ADAMTS12: variants seen among roughly 807,000 people sequenced by gnomAD.
ADAMTS12 encodes ADAM metallopeptidase with thrombospondin type 1 motif 12, also known as A disintegrin and metalloproteinase with thrombospondin motifs 12.
Under a neutral mutation model 167.8 loss-of-function variants are expected in ADAMTS12, and 118 were observed. That is an observed-to-expected ratio of 0.70 (90% confidence interval 0.61 to 0.82). The LOEUF (loss-of-function observed/expected upper bound fraction) is 0.82, where lower values mean the gene tolerates loss of function less well. Among genes scored for constraint, ADAMTS12 ranks in the 40% least tolerant of loss-of-function variants. ADAMTS12 has a pLI of 0.00. For missense variants in ADAMTS12, 1,916 were observed against 1,998.8 expected (o/e 0.96, Z 0.79); for synonymous variants, 704 against 716.9 (o/e 0.98, Z 0.29).
At chr5:33,678,254 C>A (rs963548403) in intron 5 of ADAMTS12, among the ~76,000 whole-genome samples, 1 of 152,216 alleles carries the variant, frequency 6.6e-6, no homozygotes, top group African/African-American at 2.4e-5. Flanking sequence ...AACTTGGCTG[C>A]CATTGGCCCT....
intron 10 of ADAMTS12, among the ~76,000 whole-genome samples, chr5:33,643,010 A>G (rs200657260): frequency 6.6e-6 from 1 of 151,958 alleles, no homozygotes; most frequent in Non-Finnish European, 1.5e-5. Flanking sequence ...ATTTTTGGGA[A>G]AAGAAGCCGC....
chr5:33,668,886 A>G (rs574238573), intron 5 of ADAMTS12, among the ~76,000 whole-genome samples: 3 of 152,292 alleles, frequency 2.0e-5, no homozygotes, highest in South Asian at 4.1e-4. Flanking sequence ...TGATGACACA[A>G]TCAAGTTCAG....
intron 3 of ADAMTS12, among the ~76,000 whole-genome samples, chr5:33,701,108 A>C (rs1054153387): frequency 2.6e-5 from 4 of 152,142 alleles, no homozygotes; most frequent in Non-Finnish European, 5.9e-5. Context: ...CAGCATATAC[A>C]ATATAATCCC....
intron 3 of ADAMTS12, among the ~76,000 whole-genome samples, chr5:33,695,941 A>G (rs1742740471): frequency 6.6e-6 from 1 of 152,196 alleles, no homozygotes; most frequent in Admixed American, 6.5e-5. Flanking sequence ...GTGGATGTCA[A>G]ATTGAATACA....
intron 5 of ADAMTS12, among the ~76,000 whole-genome samples, chr5:33,677,318 A>T (rs975987607): frequency 5.9e-5 from 9 of 152,236 alleles, no homozygotes; most frequent in Non-Finnish European, 1.2e-4. Flanking sequence ...TACATGAATG[A>T]AGACATTTGA....
At chr5:33,644,291 C>A (rs371796719) in intron 9 of ADAMTS12, among the ~76,000 whole-genome samples, 2 of 152,230 alleles carry the variant, frequency 1.3e-5, no homozygotes, top group African/African-American at 4.8e-5. Context: ...TTCAACCTCA[C>A]TTTCATATTC....
intron 2 of ADAMTS12, 40 bp from the exon 3 acceptor site, chr5:33,751,588 T>A (rs768940594): frequency 6.3e-7 from 1 of 1,595,584 alleles, no homozygotes; most frequent in Non-Finnish European, 8.6e-7. Context: ...TTTAACCAAT[T>A]CTACATACCT....
At chr5:33,815,879 G>A (rs1747633238) in intron 2 of ADAMTS12, among the ~76,000 whole-genome samples, 1 of 152,182 alleles carries the variant, frequency 6.6e-6, no homozygotes, top group South Asian at 2.1e-4. Flanking sequence ...CACAGCTGGT[G>A]TGGACCAGCA....
intron 7 of ADAMTS12, among the ~76,000 whole-genome samples, chr5:33,653,916 C>G (rs1740952252): frequency 6.6e-6 from 1 of 152,178 alleles, no homozygotes; most frequent in African/African-American, 2.4e-5. Flanking sequence ...TTTTTCCTCT[C>G]TTTCTGAGGC....
At chr5:33,847,423 G>T (rs1748985919) in intron 2 of ADAMTS12, among the ~76,000 whole-genome samples, 1 of 152,098 alleles carries the variant, frequency 6.6e-6, no homozygotes, top group South Asian at 2.1e-4. Context: ...GGGAGTTGGA[G>T]ACCAGCCTGA....
chr5:33,727,601 G>C (rs573532131), intron 3 of ADAMTS12, among the ~76,000 whole-genome samples: 1 of 152,164 alleles, frequency 6.6e-6, no homozygotes, highest in South Asian at 2.1e-4. Flanking sequence ...CTCTTTCCAA[G>C]CTTATTCTCT....
intron 2 of ADAMTS12, among the ~76,000 whole-genome samples, chr5:33,849,191 C>A (rs541680222): frequency 3.3e-5 from 2 of 61,480 alleles, no homozygotes; most frequent in African/African-American, 7.3e-5. Flanking sequence ...ATATGTATTG[C>A]ATAGCAATAT....
At chr5:33,720,503 T>G (rs946259380) in intron 3 of ADAMTS12, among the ~76,000 whole-genome samples, 21 of 152,146 alleles carry the variant, frequency 1.4e-4, no homozygotes, top group Non-Finnish European at 2.9e-5. Flanking sequence ...TCACCTGTGT[T>G]TACATCAATA....
chr5:33,647,140 A>G (rs1003385375), intron 9 of ADAMTS12, among the ~76,000 whole-genome samples: 2 of 152,226 alleles, frequency 1.3e-5, no homozygotes, highest in African/African-American at 4.8e-5. Flanking sequence ...AGCAGATTAG[A>G]GAGTGAAGGG....
Position 33,649,543 on chromosome 5 carries a change from C to T in ADAMTS12, c.1334+11G>A. ...ACCCAGGTGAGGGCGTCATGAGACA[C>T]TGTCACTTACTCCAAGAAGCGGGTG... On this transcript the variant is annotated intron_variant, in intron 8 of 23. Transcript: ENST00000504830. 6.2e-7 allele frequency: 1 copy of T among 1,612,918 alleles called. No homozygotes were observed. The highest frequency in any genetic ancestry group is 8.5e-7 in the Non-Finnish European group (1 of 1,179,394).
At chr5:33,685,946 A>G (rs1463511884) in intron 3 of ADAMTS12, among the ~76,000 whole-genome samples, 2 of 152,128 alleles carry the variant, frequency 1.3e-5, no homozygotes, top group Non-Finnish European at 2.9e-5. Flanking sequence ...TCTCTGTGTA[A>G]GCCAAGCAGC....
At chr5:33,825,101 CATCCTAAT>C (rs1376643060) in intron 2 of ADAMTS12, among the ~76,000 whole-genome samples, 2 of 152,164 alleles carry the variant, frequency 1.3e-5, no homozygotes, top group African/African-American at 4.8e-5. Context: ...CTAGCAAGCA[CATCCTAAT>C]AGAGTTCCCG....
intron 3 of ADAMTS12, among the ~76,000 whole-genome samples, chr5:33,717,485 T>C (rs1033757728): frequency 6.6e-6 from 1 of 152,188 alleles, no homozygotes; most frequent in African/African-American, 2.4e-5. Flanking sequence ...ATTACCCTCA[T>C]TTTACAGACG....
intron 18 of ADAMTS12, among the ~76,000 whole-genome samples, chr5:33,585,871 C>A (rs146094275): frequency 6.6e-6 from 1 of 152,178 alleles, no homozygotes; most frequent in African/African-American, 2.4e-5. Flanking sequence ...ATGAGTGTAC[C>A]AACCTGGCAC....
Sources: allele counts gnomAD v4.1 joint callset (sites outside exome capture counted in the v4.1 genomes callset), GRCh38; gene constraint gnomAD v4.1.1; transcripts MANE v1.5; gene names NCBI Gene and HGNC (gene_info 2026-07-23, HGNC 2026-07-21).